CEP83: variants seen among roughly 807,000 people sequenced by gnomAD.
CEP83 encodes centrosomal protein 83.
Under a neutral mutation model 101.9 loss-of-function variants are expected in CEP83, and 70 were observed. The observed-to-expected ratio is 0.69, with a 90% CI of 0.57 to 0.84. The LOEUF is 0.84. CEP83 is among the 40% of genes least tolerant of loss of function. The pLI is 0.00. For synonymous variants in CEP83, 264 were observed against 267.9 expected, an observed-to-expected ratio of 0.99 and a Z score of 0.14; for missense variants, 715 against 787.2, an observed-to-expected ratio of 0.91 and a Z score of 1.10.
chr12:94,308,874 A>G lies in CEP83; in HGVS notation c.2045T>C (p.Leu682Pro), dbSNP rs1212565080. 8 of 1,612,732 alleles carry G rather than the reference A, an allele frequency of 5.0e-6. No homozygotes were observed. Among genetic ancestry groups the G allele is most frequent in the South Asian group, 1.1e-5 (1 of 91,044 alleles). The change falls in exon 17 of 17, where the codon CTA becomes CCA. Residue 682 changes from leucine (L) to proline (P), a missense_variant. By Grantham distance (98) the Leu-to-Pro change is moderately conservative. Transcript: ENST00000397809. Reference protein sequence around the residue: ...QRELSLLRKRLEELETTQRKQ... With the variant: ...QRELSLLRKRPEELETTQRKQ... ...TCTTTGTGTTGTTTCCAGTTCTTCT[A>G]GTCTTTTGCGAAGTAGAGAGAGTTC...
chr12:94,421,508 A>G (rs1464660648), intron 2 of CEP83, among the ~76,000 whole-genome samples: 3 of 152,198 alleles, frequency 2.0e-5, no homozygotes, highest in African/African-American at 7.2e-5. Flanking sequence ...AGGCTACCAC[A>G]TGGATATGTA....
intron 4 of CEP83, among the ~76,000 whole-genome samples, chr12:94,404,836 A>AGAT (rs2063447614): frequency 8.5e-5 from 13 of 152,174 alleles, no homozygotes; most frequent in Non-Finnish European, 1.6e-4. Flanking sequence ...TACCCTTCCT[A>AGAT]AAACAATCTA....
At chr12:94,280,619 C>A in the CEP83 span, among the ~76,000 whole-genome samples, 3 of 152,200 alleles carry the variant, frequency 2.0e-5, no homozygotes, top group Non-Finnish European at 4.4e-5. Context: ...CGTTGAGTCA[C>A]TTGAGGACCA....
At chr12:94,401,932 G>GT (rs2137594626) in intron 5 of CEP83, among the ~76,000 whole-genome samples, 1 of 152,224 alleles carries the variant, frequency 6.6e-6, no homozygotes, top group Non-Finnish European at 1.5e-5. Flanking sequence ...TTCTACAACT[G>GT]TTTTGGGCAA....
At chr12:94,374,205 G>A (rs917228051) in intron 8 of CEP83, among the ~76,000 whole-genome samples, 2 of 151,952 alleles carry the variant, frequency 1.3e-5, no homozygotes, top group African/African-American at 2.4e-5. Flanking sequence ...GAAAAATCAG[G>A]GTCAGCACAC....
chr12:94,299,752 G>T, the CEP83 span, among the ~76,000 whole-genome samples: 1 of 152,058 alleles, frequency 6.6e-6, no homozygotes, highest in Admixed American at 6.6e-5. Flanking sequence ...GTGAGATGAG[G>T]TCTCACTACA....
the CEP83 span, chr12:94,298,925 C>A: frequency 1.2e-6 from 1 of 826,366 alleles, no homozygotes; most frequent in Non-Finnish European, 1.8e-6. Context: ...GGTAAGCTAT[C>A]ATGTCAAAGT....
At chr12:94,315,261 T>C (rs972367143) in intron 14 of CEP83, among the ~76,000 whole-genome samples, 4 of 152,196 alleles carry the variant, frequency 2.6e-5, no homozygotes, top group African/African-American at 9.6e-5. Flanking sequence ...GTCGGTCTTT[T>C]AGCTTTTGCA....
chr12:94,443,413 T>A (rs2066565985), intron 1 of CEP83, among the ~76,000 whole-genome samples: 1 of 151,958 alleles, frequency 6.6e-6, no homozygotes, highest in Non-Finnish European at 1.5e-5. Context: ...GCTCTAAAAG[T>A]GAACAGAAAG....
chr12:94,299,702 C>T, the CEP83 span, among the ~76,000 whole-genome samples: 79 of 152,172 alleles, frequency 5.2e-4, no homozygotes, highest in African/African-American at 1.8e-3. Context: ...TGGAATTACA[C>T]GAGCATGCCA....
At chr12:94,402,935 A>C in intron 5 of CEP83, 1 of 310,682 alleles carries the variant, frequency 3.2e-6, no homozygotes, top group East Asian at 5.0e-5. Flanking sequence ...AAAAATAAAA[A>C]TAAAGAAACG....
intron 16 of CEP83, among the ~76,000 whole-genome samples, chr12:94,309,324 T>C (rs180939805): frequency 2.0e-3 from 299 of 152,320 alleles, no homozygotes; most frequent in Middle Eastern, 3.4e-3. Context: ...TAATTACTTA[T>C]TAATACTCCC....
chr12:94,318,430 G>T (rs1027116458), intron 14 of CEP83, among the ~76,000 whole-genome samples: 3 of 152,154 alleles, frequency 2.0e-5, no homozygotes, highest in Non-Finnish European at 2.9e-5. Flanking sequence ...TAACTACTCT[G>T]GCCAGGACTT....
Position 94,335,674 on chromosome 12 carries a change from A to G in CEP83, c.1344-10T>C. The G allele has an allele frequency of 6.5e-7, 1 of 1,541,708 alleles. No homozygotes were observed. Among genetic ancestry groups the G allele is most frequent in the Non-Finnish European group, 8.8e-7 (1 of 1,130,250 alleles). On this transcript the variant is annotated splice_polypyrimidine_tract_variant and intron_variant, in intron 11 of 16. Coordinates refer to ENST00000397809, the MANE Select transcript of CEP83 (RefSeq NM_016122.3). ...TTGCTGAAGTTTTAACCTAAAAATC[A>G]CAACCCAACAAAAGGCATTATTAAG... is the stretch of plus-strand genomic sequence containing the variant.
intron 12 of CEP83, 184 bp from the exon 13 acceptor site, chr12:94,333,823 A>C: frequency 1.7e-6 from 1 of 572,898 alleles, no homozygotes; most frequent in Non-Finnish European, 3.0e-6. Context: ...TTATAATCAG[A>C]GACTATCAAG....
downstream of CEP83, chr12:94,303,700 T>TC (rs1286190363): frequency 4.3e-6 from 5 of 1,154,944 alleles, no homozygotes; most frequent in African/African-American, 8.2e-5. Context: ...CATCTTTTTT[T>TC]TTTTTTTTTT....
chr12:94,334,549 A>T (rs1203199827), intron 12 of CEP83, among the ~76,000 whole-genome samples: 1 of 152,182 alleles, frequency 6.6e-6, no homozygotes, highest in Non-Finnish European at 1.5e-5. Context: ...ATTTCAAAGC[A>T]AAGACAGTCA....
the CEP83 span, among the ~76,000 whole-genome samples, chr12:94,281,270 C>T: frequency 8.5e-5 from 13 of 152,088 alleles, no homozygotes; most frequent in African/African-American, 1.2e-4. Context: ...TGGAGGGAGA[C>T]CCTGTCTCCA....
the CEP83 span, among the ~76,000 whole-genome samples, chr12:94,277,485 C>A: frequency 6.6e-6 from 1 of 152,312 alleles, no homozygotes; most frequent in Non-Finnish European, 1.5e-5. Context: ...AGATGCTGTT[C>A]TAAGAACTGT....
Sources: allele counts gnomAD v4.1 joint callset (sites outside exome capture counted in the v4.1 genomes callset), GRCh38; gene constraint gnomAD v4.1.1; transcripts MANE v1.5; gene names NCBI Gene and HGNC (gene_info 2026-07-23, HGNC 2026-07-21).